KHDC1: variants seen among roughly 807,000 people sequenced by gnomAD.
The protein encoded by KHDC1 is KH domain containing 1, also known as KH homology domain-containing protein 1.
A neutral mutation model predicts 24.7 loss-of-function variants in KHDC1; 21 were observed. The ratio of observed to expected loss-of-function variants is 0.85; its 90% CI spans 0.60 to 1.23. KHDC1 has a LOEUF of 1.23. Ranked by LOEUF, KHDC1 falls within the 50% of genes most tolerant of loss-of-function variation. The pLI is 0.00. For synonymous variants in KHDC1, 98 were observed against 111.7 expected (o/e 0.88, Z 0.77); for missense variants, 274 against 298.5 (o/e 0.92, Z 0.61).
At chr6:73,285,594 G>A (rs1269051812) in intron 2 of KHDC1, among the ~76,000 whole-genome samples, 5 of 151,536 alleles carry the variant, frequency 3.3e-5, no homozygotes, top group African/African-American at 7.3e-5. Flanking sequence ...TCGGCCTCCC[G>A]AAGTGCTGGG....
At chr6:73,263,023 G>A (rs1767010212) in intron 2 of KHDC1, 1 of 1,027,146 alleles carries the variant, frequency 9.7e-7, no homozygotes, top group Non-Finnish European at 1.2e-6. Flanking sequence ...CGCAGGCCTG[G>A]GCCACTCCCT....
chr6:73,303,608 ATTTTGTAGCATCC>A (rs565177629), intron 1 of KHDC1, among the ~76,000 whole-genome samples: 182 of 152,340 alleles, frequency 1.2e-3, no homozygotes, highest in African/African-American at 4.2e-3. Context: ...TGATCACATC[ATTTTGTAGCATCC>A]TTCTCAATAA....
chr6:73,272,435 C>T (rs1233997315), intron 2 of KHDC1, among the ~76,000 whole-genome samples: 1 of 151,722 alleles, frequency 6.6e-6, no homozygotes, highest in Non-Finnish European at 1.5e-5. Context: ...GCGCCCAGCC[C>T]TCCTACACCA....
chr6:73,302,949 C>A (rs907252605), intron 1 of KHDC1, among the ~76,000 whole-genome samples: 1 of 152,066 alleles, frequency 6.6e-6, no homozygotes, highest in South Asian at 2.1e-4. Context: ...TGATGGCGCA[C>A]GCCTGTAATC....
At chr6:73,285,641 T>TC (rs1767505624) in intron 2 of KHDC1, among the ~76,000 whole-genome samples, 1 of 129,742 alleles carries the variant, frequency 7.7e-6, no homozygotes, top group Non-Finnish European at 1.7e-5. Context: ...GCCCATTTTC[T>TC]TTTTTTTCTT....
At chr6:73,245,729 A>G (rs1379540189) in intron 2 of KHDC1, among the ~76,000 whole-genome samples, 1 of 152,180 alleles carries the variant, frequency 6.6e-6, no homozygotes, top group African/African-American at 2.4e-5. Context: ...TGTTTTTTTA[A>G]TAACAGTCAC....
chr6:73,257,388 T>C (rs894163349), intron 2 of KHDC1, among the ~76,000 whole-genome samples: 4 of 152,140 alleles, frequency 2.6e-5, no homozygotes, highest in African/African-American at 9.7e-5. Context: ...TCTGGGCTCA[T>C]GGTTGGGAAT....
At chr6:73,280,311 C>T (rs561500898) in intron 2 of KHDC1, among the ~76,000 whole-genome samples, 1 of 152,130 alleles carries the variant, frequency 6.6e-6, no homozygotes, top group South Asian at 2.1e-4. Flanking sequence ...GCATGCACCA[C>T]CATGCTCGGC....
At chr6:73,306,777 G>C (rs1312891769) in intron 1 of KHDC1, among the ~76,000 whole-genome samples, 1 of 152,172 alleles carries the variant, frequency 6.6e-6, no homozygotes, top group Non-Finnish European at 1.5e-5. Context: ...GGGAGGCCGA[G>C]GCAGGCAGAT....
chr6:73,289,594 G>C (rs917055487), intron 2 of KHDC1, among the ~76,000 whole-genome samples: 1 of 148,820 alleles, frequency 6.7e-6, no homozygotes, highest in Non-Finnish European at 1.5e-5. Flanking sequence ...AGGTTGCAGT[G>C]AGCCATGATC....
intron 2 of KHDC1, chr6:73,291,170 A>G (rs1250088270): frequency 4.1e-6 from 2 of 493,642 alleles, no homozygotes; most frequent in Non-Finnish European, 8.1e-6. Flanking sequence ...GCAGTTCCCT[A>G]CTGAAGATTG....
At chr6:73,278,359 G>A (rs761532912) in intron 2 of KHDC1, among the ~76,000 whole-genome samples, 7 of 151,452 alleles carry the variant, frequency 4.6e-5, no homozygotes, top group Non-Finnish European at 8.8e-5. Context: ...CTATTGATGT[G>A]TTTCTTTTTC....
chr6:73,308,066 G>A (rs1768003489), intron 1 of KHDC1, among the ~76,000 whole-genome samples: 1 of 141,358 alleles, frequency 7.1e-6, no homozygotes, highest in South Asian at 2.2e-4. Context: ...ACCAGGCCCA[G>A]CTAATTTTTT....
At chr6:73,252,773 T>C (rs1273065333) in intron 2 of KHDC1, among the ~76,000 whole-genome samples, 16 of 151,426 alleles carry the variant, frequency 1.1e-4, no homozygotes, top group African/African-American at 3.9e-4. Flanking sequence ...GCTGAGATCG[T>C]GCCACTGAAC....
rs151038065 is a variant in KHDC1, at chr6:73,288,467, A to G, written c.206+3531T>C. Among the ~76,000 whole-genome samples the G allele has an allele frequency of 2.6e-3, 401 of 152,276 alleles. 5 individuals are homozygous for G. Among genetic ancestry groups the G allele is most frequent in the African/African-American group, 9.5e-3 (393 of 41,562 alleles). ...TAAACCCCATCTCTACTAAAAATAC[A>G]AACATTAGCTGAGCATACTGGTGCA... On this transcript the variant is annotated intron_variant, in intron 2 of 4. Coordinates refer to ENST00000370384, the Ensembl canonical transcript of KHDC1.
At chr6:73,277,191 G>A (rs1767314007) in intron 2 of KHDC1, among the ~76,000 whole-genome samples, 1 of 152,164 alleles carries the variant, frequency 6.6e-6, no homozygotes, top group African/African-American at 2.4e-5. Flanking sequence ...AGTCTGGTCG[G>A]GCACGGTGGC....
At position 73,263,324 on chromosome 6, in the gene KHDC1, T is replaced by G. The variant is rs1021720259; in HGVS notation, c.207-20794A>C. ...GGCGCGCAGAGAGCCCAGCAGCTCT[T>G]GAGTCCAGGAAGCAAGGGTGGGAGG... is the stretch of plus-strand genomic sequence containing the variant. On this transcript the variant is annotated intron_variant, in intron 2 of 4. Transcript: ENST00000370384. 10 of 975,424 alleles carry G rather than the reference T, an allele frequency of 1.0e-5. No homozygotes were observed. In the African/African-American group the frequency reaches 1.8e-4, roughly 17 times the overall value. The allele number at this position is 975,424 out of a possible 1,614,324, so 60.4% of individuals were successfully genotyped here.
intron 2 of KHDC1, among the ~76,000 whole-genome samples, chr6:73,287,265 T>C (rs1767540018): frequency 6.6e-6 from 1 of 152,114 alleles, no homozygotes; most frequent in Admixed American, 6.6e-5. Flanking sequence ...CTAATAGCAA[T>C]TGCGATGATA....
intron 1 of KHDC1, among the ~76,000 whole-genome samples, chr6:73,306,402 A>AC (rs1289456491): frequency 2.6e-5 from 4 of 152,040 alleles, no homozygotes; most frequent in African/African-American, 9.7e-5. Flanking sequence ...AACAAAAATT[A>AC]CCCAGGTTTT....
Sources: allele counts gnomAD v4.1 joint callset (sites outside exome capture counted in the v4.1 genomes callset), GRCh38; gene constraint gnomAD v4.1.1; transcripts MANE v1.5; gene names NCBI Gene and HGNC (gene_info 2026-07-23, HGNC 2026-07-21).